SBF2: variants seen among roughly 807,000 people sequenced by gnomAD.
The protein encoded by SBF2 is SET binding factor 2, also known as myotubularin-related protein 13.
In SBF2, 112 loss-of-function variants were observed where a neutral mutation model predicts 225.2. That is an observed-to-expected ratio of 0.50 (90% confidence interval 0.43 to 0.58). SBF2 has a LOEUF of 0.58. Among genes scored for constraint, SBF2 ranks in the 20% least tolerant of loss-of-function variants. The pLI, the probability that SBF2 is intolerant of heterozygous loss-of-function variation, is 0.00. For missense variants in SBF2, 1,996 were observed against 2,206.2 expected (o/e 0.90, Z 1.91); for synonymous variants, 763 against 773.3 (o/e 0.99, Z 0.22).
chr11:10,265,398 T>C lies in SBF2; in HGVS notation c.55+28617A>G, dbSNP rs984991785. ...TAAATGTCTTCTTTTGAGAAGTGTC[T>C]GTTCATATCCTTTGCCCACTTTTTG... On this transcript the variant is annotated intron_variant, in intron 1 of 39. Transcript: ENST00000256190. Among the ~76,000 whole-genome samples, 13 of 150,754 alleles carry C rather than the reference T, an allele frequency of 8.6e-5. No homozygotes were observed. The Admixed American group carries it at 8.6e-4, about 10-fold the overall frequency.
chr11:10,138,546 G>GTTTTTTTTTTTTTTTTTTTTTT, intron 2 of SBF2, among the ~76,000 whole-genome samples: 1 of 150,918 alleles, frequency 6.6e-6, no homozygotes, highest in Non-Finnish European at 1.5e-5. Flanking sequence ...TTTGAGACAG[G>GTTTTTTTTTTTTTTTTTTTTTT]ATTTTAGATG....
intron 1 of SBF2, among the ~76,000 whole-genome samples, chr11:10,225,132 T>C (rs2135416409): frequency 6.6e-6 from 1 of 152,226 alleles, no homozygotes; most frequent in South Asian, 2.1e-4. Flanking sequence ...TTCCCTTCGT[T>C]GTCCCTGATA....
chr11:10,003,510 G>A (rs1948063471), intron 6 of SBF2, among the ~76,000 whole-genome samples: 1 of 151,896 alleles, frequency 6.6e-6, no homozygotes, highest in Non-Finnish European at 1.5e-5. Context: ...TGGGATTACA[G>A]GCGCCCGCCA....
chr11:9,903,860 T>C (rs1039678458), intron 16 of SBF2, among the ~76,000 whole-genome samples: 2 of 152,166 alleles, frequency 1.3e-5, no homozygotes, highest in African/African-American at 4.8e-5. Flanking sequence ...TGGGAGGTCA[T>C]ACTCTGCCAT....
At chr11:9,892,914 G>A (rs1459340123) in intron 17 of SBF2, among the ~76,000 whole-genome samples, 2 of 152,116 alleles carry the variant, frequency 1.3e-5, no homozygotes, top group Admixed American at 6.6e-5. Context: ...TTGTGGACCA[G>A]TTTGATTTTT....
At chr11:10,032,260 T>C (rs1449400478) in intron 3 of SBF2, among the ~76,000 whole-genome samples, 1 of 152,216 alleles carries the variant, frequency 6.6e-6, no homozygotes, top group East Asian at 1.9e-4. Flanking sequence ...GATTCCCCTC[T>C]TTTTAATAAC....
chr11:10,190,161 A>G (rs936485095), intron 2 of SBF2, among the ~76,000 whole-genome samples: 1 of 152,096 alleles, frequency 6.6e-6, no homozygotes, highest in Non-Finnish European at 1.5e-5. Context: ...AAAAAAAAAA[A>G]AAAACAGGAG....
chr11:9,794,258 A>G (rs1459278185), intron 33 of SBF2, among the ~76,000 whole-genome samples: 3 of 152,112 alleles, frequency 2.0e-5, no homozygotes, highest in African/African-American at 7.2e-5. Context: ...AAAACCCCAA[A>G]AAACACAACT....
chr11:10,132,242 T>C (rs1954093862), intron 2 of SBF2, among the ~76,000 whole-genome samples: 1 of 152,140 alleles, frequency 6.6e-6, no homozygotes, highest in Non-Finnish European at 1.5e-5. Context: ...AAACCAAATA[T>C]ATATATTTGG....
intron 1 of SBF2, among the ~76,000 whole-genome samples, chr11:10,253,648 C>T (rs1478004718): frequency 2.0e-5 from 3 of 151,990 alleles, no homozygotes; most frequent in East Asian, 1.9e-4. Context: ...GAAAAATCAC[C>T]GCCCTGATTT....
intron 26 of SBF2, among the ~76,000 whole-genome samples, chr11:9,837,723 T>C (rs1391337713): frequency 6.7e-6 from 1 of 149,200 alleles, no homozygotes; most frequent in Non-Finnish European, 1.5e-5. Context: ...ATATTAGATT[T>C]GTCCCTTAAA....
intron 33 of SBF2, among the ~76,000 whole-genome samples, chr11:9,793,994 G>A (rs1360109788): frequency 6.6e-6 from 1 of 152,088 alleles, no homozygotes; most frequent in African/African-American, 2.4e-5. Context: ...CTTAGCCTGG[G>A]CAAGATGGCA....
intron 1 of SBF2, among the ~76,000 whole-genome samples, chr11:10,229,253 T>C (rs927213478): frequency 3.9e-5 from 6 of 152,112 alleles, no homozygotes; most frequent in Admixed American, 3.9e-4. Flanking sequence ...TTTGTTGATC[T>C]TTTCAAAAAA....
intron 9 of SBF2, 41 bp from the exon 10 acceptor site, chr11:9,994,039 C>A (rs1313271869): frequency 2.6e-6 from 3 of 1,139,290 alleles, no homozygotes; most frequent in South Asian, 2.5e-5. Context: ...ATCATAATAT[C>A]AATGAAATCT....
At chr11:10,068,895 C>T (rs1162235720) in intron 2 of SBF2, among the ~76,000 whole-genome samples, 3 of 152,086 alleles carry the variant, frequency 2.0e-5, no homozygotes, top group African/African-American at 7.2e-5. Flanking sequence ...TTGCCGAAAG[C>T]CCAAACAATA....
chr11:10,265,982 AGTGCTGGGATTACAGGCAT>A (rs1961949790), intron 1 of SBF2, among the ~76,000 whole-genome samples: 1 of 152,162 alleles, frequency 6.6e-6, no homozygotes, highest in Non-Finnish European at 1.5e-5. Context: ...GGTCTCCCAA[AGTGCTGGGATTACAGGCAT>A]GAGCCATCAT....
chr11:10,117,773 G>GTT (rs1362085813), intron 2 of SBF2, among the ~76,000 whole-genome samples: 5 of 143,916 alleles, frequency 3.5e-5, no homozygotes, highest in South Asian at 4.4e-4. Context: ...ATGTTGTTGG[G>GTT]TTTTTTTTTT....
At chr11:10,045,446 C>T (rs1214133420) in intron 2 of SBF2, among the ~76,000 whole-genome samples, 1 of 152,176 alleles carries the variant, frequency 6.6e-6, no homozygotes, top group Admixed American at 6.5e-5. Flanking sequence ...GGATTACAGG[C>T]ATGAGCCACT....
At chr11:9,991,449 TA>T (rs1361960984) in intron 12 of SBF2, among the ~76,000 whole-genome samples, 5 of 152,214 alleles carry the variant, frequency 3.3e-5, no homozygotes, top group Non-Finnish European at 7.4e-5. Flanking sequence ...ACCTTCTCTA[TA>T]TAAAAGAAAA....
Sources: allele counts gnomAD v4.1 joint callset (sites outside exome capture counted in the v4.1 genomes callset), GRCh38; gene constraint gnomAD v4.1.1; transcripts MANE v1.5; gene names NCBI Gene and HGNC (gene_info 2026-07-23, HGNC 2026-07-21).